DMD: variants seen among roughly 807,000 people sequenced by gnomAD.
DMD encodes the protein mutant dystrophin.
DMD carries 63 observed loss-of-function variants against 330.1 expected under a neutral mutation model. The ratio of observed to expected loss-of-function variants is 0.19; its 90% CI spans 0.16 to 0.24. The LOEUF (loss-of-function observed/expected upper bound fraction) is 0.24, where lower values mean the gene tolerates loss of function less well. DMD is among the 10% of genes least tolerant of loss of function. The pLI is 1.00. For synonymous variants in DMD, 1,223 were observed against 959.8 expected, an observed-to-expected ratio of 1.27 and a Z score of -5.07; for missense variants, 3,344 against 2,684.1, an observed-to-expected ratio of 1.25 and a Z score of -5.43.
At chrX:31,395,032 T>A (rs2060859660) in intron 60 of DMD, among the ~76,000 whole-genome samples, 1 of 109,016 alleles carries the variant, frequency 9.2e-6, no homozygotes, top group African/African-American at 3.4e-5. Flanking sequence ...AACTGCCTGG[T>A]TGTTGTTTCT....
chrX:31,838,732 A>G (rs1467361942), intron 48 of DMD, among the ~76,000 whole-genome samples: 1 of 111,457 alleles, frequency 9.0e-6, no homozygotes, highest in Non-Finnish European at 1.9e-5. Context: ...ATTCCAACAG[A>G]TTGCCACTTT....
chrX:31,122,064 A>T (rs2032697321), intron 78 of DMD, 134 bp from the exon 79 acceptor site: 2 of 527,089 alleles, frequency 3.8e-6, no homozygotes, highest in Non-Finnish European at 6.6e-6. Flanking sequence ...TCGAGGGTGT[A>T]CACAACAAGG....
chrX:32,570,625 T>C (rs1202480360), intron 15 of DMD, among the ~76,000 whole-genome samples: 3 of 111,811 alleles, frequency 2.7e-5, no homozygotes, highest in African/African-American at 9.7e-5. Flanking sequence ...TTGAAAGGCC[T>C]GGACCTGAGT....
At chrX:32,823,728 T>C (rs1448543957) in intron 4 of DMD, among the ~76,000 whole-genome samples, 1 of 111,787 alleles carries the variant, frequency 8.9e-6, no homozygotes, top group African/African-American at 3.2e-5. Context: ...TCACCAGTAC[T>C]TCCACCTAGC....
At chrX:32,375,002 G>A (rs1482826576) in intron 34 of DMD, among the ~76,000 whole-genome samples, 5 of 111,634 alleles carry the variant, frequency 4.5e-5, no homozygotes, top group African/African-American at 1.6e-4. Context: ...ACCTCACCCA[G>A]TGACTTACAG....
chrX:31,364,835 C>A (rs1405923556), intron 60 of DMD, among the ~76,000 whole-genome samples: 1 of 111,216 alleles, frequency 9.0e-6, no homozygotes, highest in African/African-American at 3.3e-5. Flanking sequence ...CGGTGGCTCA[C>A]GCATGTAATC....
chrX:32,570,691 CTG>C lies in DMD; in HGVS notation c.1812+2837_1812+2838del, dbSNP rs200833619. On this transcript the variant is annotated intron_variant, in intron 15 of 78. Transcript: ENST00000357033. ...ATACTAATGTTGTAGGATACAGATC[CTG>C]TGTTTTTTCTTGATCTCGATTTTCT... is the stretch of plus-strand genomic sequence containing the variant. Among the ~76,000 whole-genome samples, 442 of 111,476 alleles carry C rather than the reference CTG, an allele frequency of 4.0e-3. 5 individuals carry two copies. In the East Asian group the frequency reaches 0.047, roughly 12 times the overall value.
intron 2 of DMD, among the ~76,000 whole-genome samples, chrX:32,947,871 G>C (rs1442423289): frequency 9.0e-6 from 1 of 111,271 alleles, no homozygotes; most frequent in Non-Finnish European, 1.9e-5. Context: ...CTTCCAGGAA[G>C]ATGTTTTAGG....
chrX:31,201,854 A>G lies in DMD; in HGVS notation c.9807+2107T>C, dbSNP rs556522023. ...CACACACATATGTTTATATATCCCT[A>G]TATATGAACACGTGTGTGTGTTTCA... On this transcript the variant is annotated intron_variant, in intron 67 of 78. Transcript: ENST00000357033. 2.7e-5 allele frequency among the ~76,000 whole-genome samples: 3 copies of G among 112,232 alleles called. No individual in the cohort carries two copies. In the Middle Eastern group the frequency reaches 0.014, roughly 517 times the overall value.
chrX:32,996,620 C>A (rs1336424221), intron 2 of DMD, among the ~76,000 whole-genome samples: 2 of 110,890 alleles, frequency 1.8e-5, no homozygotes, highest in Admixed American at 1.9e-4. Flanking sequence ...GTCAGGAGTT[C>A]GAGACCAGCC....
chrX:31,810,312 T>C (rs2092422619), intron 50 of DMD, among the ~76,000 whole-genome samples: 2 of 111,345 alleles, frequency 1.8e-5, no homozygotes, highest in African/African-American at 6.5e-5. Context: ...AGCTGTTTTG[T>C]TGCCAGACCA....
chrX:31,375,586 G>A (rs1432531365), intron 60 of DMD, among the ~76,000 whole-genome samples: 3 of 111,787 alleles, frequency 2.7e-5, no homozygotes, highest in Non-Finnish European at 5.6e-5. Context: ...AGGACATTAT[G>A]CTACGTGAAA....
intron 67 of DMD, among the ~76,000 whole-genome samples, chrX:31,199,416 A>T (rs1301286445): frequency 8.9e-6 from 1 of 112,321 alleles, no homozygotes; most frequent in East Asian, 2.8e-4. Flanking sequence ...CAAAGCCATA[A>T]ATTTACAGTG....
At chrX:32,780,975 G>A (rs927940386) in intron 7 of DMD, among the ~76,000 whole-genome samples, 41 of 108,562 alleles carry the variant, frequency 3.8e-4, no homozygotes, top group Non-Finnish European at 7.5e-4. Flanking sequence ...AAAATTAGCC[G>A]GGCATGGTGG....
intron 2 of DMD, among the ~76,000 whole-genome samples, chrX:32,857,882 G>GA (rs933951336): frequency 1.8e-5 from 2 of 111,134 alleles, no homozygotes; most frequent in Admixed American, 9.6e-5. Flanking sequence ...TAAATACATA[G>GA]ACCAAGGTCT....
intron 2 of DMD, among the ~76,000 whole-genome samples, chrX:32,934,985 C>T (rs188901767): frequency 3.8e-4 from 43 of 113,008 alleles, no homozygotes; most frequent in Admixed American, 3.6e-3. Context: ...CACTACCGCC[C>T]ATGGGCTCCC....
At position 32,131,268 on chromosome X, in the gene DMD, A is replaced by G. The variant is rs775120965; in HGVS notation, c.6438+85648T>C. On this transcript the variant is annotated intron_variant, in intron 44 of 78. Coordinates refer to ENST00000357033, the MANE Select transcript of DMD (RefSeq NM_004006.3). The stretch of plus-strand genomic sequence containing the variant: ...TTAGCATATAAGATCCTTGAGAGTA[A>G]GAACTTTTTGCTTCTGATTCATTCC... Among the ~76,000 whole-genome samples, 5 of 112,416 alleles carry G rather than the reference A, an allele frequency of 4.4e-5. No individual in the cohort carries two copies. In the East Asian group the frequency reaches 1.1e-3, roughly 25 times the overall value.
chrX:31,516,631 G>A (rs1185415454), intron 55 of DMD, among the ~76,000 whole-genome samples: 1 of 111,734 alleles, frequency 8.9e-6, no homozygotes, highest in Non-Finnish European at 1.9e-5. Flanking sequence ...CATCTTAAAC[G>A]AGCAGCTATG....
At chrX:31,274,614 G>C (rs771245748) in intron 62 of DMD, among the ~76,000 whole-genome samples, 14 of 112,200 alleles carry the variant, frequency 1.2e-4, no homozygotes, top group Admixed American at 9.4e-4. Context: ...GCTTACTTTT[G>C]TCAAGGCATG....
Sources: allele counts gnomAD v4.1 joint callset (sites outside exome capture counted in the v4.1 genomes callset), GRCh38; gene constraint gnomAD v4.1.1; transcripts MANE v1.5; gene names NCBI Gene and HGNC (gene_info 2026-07-23, HGNC 2026-07-21).